Variants in PNKD observed in about 807,000 individuals in gnomAD.
The protein encoded by PNKD is PNKD metallo-beta-lactamase domain containing.
A neutral mutation model predicts 45.3 loss-of-function variants in PNKD; 36 were observed. The ratio of observed to expected loss-of-function variants is 0.80; its 90% CI spans 0.61 to 1.05. PNKD has a LOEUF of 1.05. PNKD is among the 50% of genes least tolerant of loss of function. The pLI is 0.00. For missense variants in PNKD, 511 were observed against 506.6 expected, an observed-to-expected ratio of 1.01 and a Z score of -0.08; for synonymous variants, 197 against 210.1, an observed-to-expected ratio of 0.94 and a Z score of 0.54.
chr2:218,294,227 C>A (rs908157724), intron 2 of PNKD, among the ~76,000 whole-genome samples: 3 of 152,182 alleles, frequency 2.0e-5, no homozygotes, highest in African/African-American at 7.2e-5. Flanking sequence ...AAATGCATGG[C>A]CCATGGAATC....
At chr2:218,341,798 C>G in intron 6 of PNKD, 172 bp downstream of exon 6, 1 of 763,218 alleles carries the variant, frequency 1.3e-6, no homozygotes, top group Non-Finnish European at 2.3e-6. Context: ...ACTGATCCAG[C>G]CATAGTCCCC....
At chr2:218,311,169 A>C (rs2106260862) in intron 2 of PNKD, among the ~76,000 whole-genome samples, 1 of 152,260 alleles carries the variant, frequency 6.6e-6, no homozygotes, top group South Asian at 2.1e-4. Context: ...CCTTCAGCCT[A>C]TTTGCCTCCC....
chr2:218,277,317 A>G (rs772282650), intron 2 of PNKD: 3 of 1,568,506 alleles, frequency 1.9e-6, no homozygotes, highest in African/African-American at 2.7e-5. Flanking sequence ...TCCGGGCCTG[A>G]TAAGAAAGGG....
intron 2 of PNKD, among the ~76,000 whole-genome samples, chr2:218,310,745 C>G (rs1230986040): frequency 6.6e-6 from 1 of 151,798 alleles, no homozygotes; most frequent in Non-Finnish European, 1.5e-5. Context: ...GTGCGTGCCA[C>G]CACACCTGCC....
chr2:218,278,653 A>G, intron 2 of PNKD: 1 of 1,448,598 alleles, frequency 6.9e-7, no homozygotes, highest in Non-Finnish European at 9.7e-7. Context: ...GGGCCCAAAT[A>G]GCCGTTTGGA....
At chr2:218,319,653 C>T (rs1458130326) in intron 2 of PNKD, among the ~76,000 whole-genome samples, 3 of 152,216 alleles carry the variant, frequency 2.0e-5, no homozygotes, top group Admixed American at 6.5e-5. Context: ...GGATTACAGG[C>T]GTGAGCCATC....
rs189349414 is a variant in PNKD at position 218,278,100 on chromosome 2, T to C, written c.236+6551T>C. 60 of 1,100,984 alleles carry C rather than the reference T, an allele frequency of 5.4e-5. No homozygotes were observed. The East Asian group carries it at 6.6e-4, about 12-fold the overall frequency. 68.2% of individuals were successfully genotyped at this position (1,100,984 alleles called of 1,614,324 possible). A position where few individuals can be genotyped will look rare whatever the true frequency, so the allele number is the denominator to read the frequency against. The stretch of plus-strand genomic sequence containing the variant: ...TAAGCCTTGACTCCAAGGAGGGAGG[T>C]TGGCATGGCCTTTGGCACCTGTTCA... On this transcript the variant is annotated intron_variant, in intron 2 of 9. Transcript: ENST00000273077.
chr2:218,275,364 T>C, intron 2 of PNKD: 1 of 1,407,846 alleles, frequency 7.1e-7, no homozygotes. Flanking sequence ...AAACTGGGCA[T>C]GTTACTCAAG....
At chr2:218,289,246 G>A (rs181374617) in intron 2 of PNKD, among the ~76,000 whole-genome samples, 6 of 14,788 alleles carry the variant, frequency 4.1e-4, no homozygotes, top group Non-Finnish European at 8.1e-4. Context: ...TCCTGGGCTA[G>A]GAGGTGGGGA....
chr2:218,329,647 G>A (rs141910215), intron 2 of PNKD, among the ~76,000 whole-genome samples: 2 of 152,360 alleles, frequency 1.3e-5, no homozygotes, highest in East Asian at 3.9e-4. Context: ...ACCCTGACCT[G>A]GGGATCTCCT....
chr2:218,278,919 A>G (rs756369458), intron 2 of PNKD: 11 of 1,177,982 alleles, frequency 9.3e-6, no homozygotes, highest in African/African-American at 1.5e-5. Flanking sequence ...GGAAACTGGC[A>G]CCAACTTGGG....
intron 2 of PNKD, among the ~76,000 whole-genome samples, chr2:218,319,476 A>G (rs13424679): frequency 0.59 from 88,241 of 149,080 alleles, 26,514 homozygotes; most frequent in South Asian, 0.68. Context: ...CTTAGGTTCA[A>G]GCAGTTCTCC....
chr2:218,294,419 G>C (rs952044238), intron 2 of PNKD, among the ~76,000 whole-genome samples: 3 of 152,192 alleles, frequency 2.0e-5, no homozygotes, highest in East Asian at 1.9e-4. Context: ...TCTGATGAAG[G>C]CTCCCTCTGC....
In PNKD at chr2:218,271,426, C is replaced by G. The variant is rs753100961; in HGVS notation, c.113C>G (p.Thr38Ser). 4 of 1,613,974 alleles carry G rather than the reference C, an allele frequency of 2.5e-6. No individual in the cohort carries two copies. In the East Asian group the frequency reaches 8.9e-5, roughly 36 times the overall value. The stretch of plus-strand genomic sequence containing the variant: ...GCTAACAAGGCTTCTCATAACAGGA[C>G]CCGGGCCCTGCAAAGCCACAGCTCC... ...ATANKASHNR[T>S]RALQSHSSPE... The change falls in exon 2 of 10, where the codon ACC becomes AGC. Residue 38 changes from threonine (T) to serine (S), a missense_variant. Coordinates refer to ENST00000273077, the MANE Select transcript of PNKD (RefSeq NM_015488.5).
chr2:218,296,460 A>G (rs1315743890), intron 2 of PNKD, among the ~76,000 whole-genome samples: 1 of 152,082 alleles, frequency 6.6e-6, no homozygotes, highest in African/African-American at 2.4e-5. Flanking sequence ...CCCAGGTGGA[A>G]CCTGAAGGAC....
At chr2:218,277,490 A>C in intron 2 of PNKD, 1 of 1,611,652 alleles carries the variant, frequency 6.2e-7, no homozygotes, top group Non-Finnish European at 8.5e-7. Flanking sequence ...AGAGGCATTA[A>C]GCCACGTATG....
intron 8 of PNKD, 87 bp from the exon 9 acceptor site, chr2:218,344,368 C>G: frequency 1.0e-6 from 1 of 966,348 alleles, no homozygotes; most frequent in Non-Finnish European, 1.6e-6. Context: ...AGGTGCCCAT[C>G]AGCCTGGACC....
chr2:218,293,779 G>GGTTT (rs56160301), intron 2 of PNKD, among the ~76,000 whole-genome samples: 92,816 of 148,782 alleles, frequency 0.62, 29,136 homozygotes, highest in African/African-American at 0.68. Flanking sequence ...TGTTTTGTTT[G>GGTTT]GTTTGTTTGT....
chr2:218,282,025 G>A (rs1273306404), intron 2 of PNKD: 18 of 1,608,132 alleles, frequency 1.1e-5, no homozygotes, highest in Non-Finnish European at 1.5e-5. Context: ...GGTAGCCAGG[G>A]TAGGCAGGAT....
Sources: gnomAD v4.1 joint callset for allele counts (sites outside exome capture counted in the v4.1 genomes callset) on GRCh38, gnomAD v4.1.1 for gene constraint, MANE v1.5 for transcripts, NCBI Gene and HGNC (gene_info 2026-07-23, HGNC 2026-07-21) for gene names.